The following RBFOX1 variants were observed in gnomAD, a reference collection of about 807,000 sequenced individuals.
RBFOX1 encodes the protein RNA binding protein fox-1 homolog 1.
RBFOX1 carries 8 observed loss-of-function variants against 57.7 expected under a neutral mutation model. The ratio of observed to expected loss-of-function variants is 0.14; its 90% CI spans 0.08 to 0.25. The LOEUF (loss-of-function observed/expected upper bound fraction) is 0.25. Among genes scored for constraint, RBFOX1 ranks in the 10% least tolerant of loss-of-function variants. The probability of loss-of-function intolerance (pLI) is 1.00; values close to 1 mark genes in which losing one functional copy is unlikely to be tolerated. For synonymous variants in RBFOX1, 326 were observed against 222.4 expected (o/e 1.47, Z -4.15); for missense variants, 611 against 548.5 (o/e 1.11, Z -1.14).
intron 4 of RBFOX1, among the ~76,000 whole-genome samples, chr16:7,413,769 AT>A (rs1318622905): frequency 6.6e-6 from 1 of 152,020 alleles, no homozygotes; most frequent in Admixed American, 6.6e-5. Context: ...TGACAAGAGT[AT>A]TTTCCTTGTA....
At chr16:6,449,852 A>G (rs1232433731) in intron 2 of RBFOX1, among the ~76,000 whole-genome samples, 1 of 152,200 alleles carries the variant, frequency 6.6e-6, no homozygotes, top group Non-Finnish European at 1.5e-5. Flanking sequence ...ATCTGCAGGA[A>G]AGTGGATATG....
chr16:7,501,554 C>G (rs1166204323), intron 4 of RBFOX1, among the ~76,000 whole-genome samples: 1 of 152,174 alleles, frequency 6.6e-6, no homozygotes, highest in East Asian at 1.9e-4. Context: ...CAGCCCAGCT[C>G]TATATTTTAT....
chr16:7,494,725 A>G (rs1049058964), intron 4 of RBFOX1, among the ~76,000 whole-genome samples: 1 of 152,180 alleles, frequency 6.6e-6, no homozygotes, highest in African/African-American at 2.4e-5. Flanking sequence ...CAGCATTTGA[A>G]CAACAGGCCT....
intron 4 of RBFOX1, among the ~76,000 whole-genome samples, chr16:7,055,452 C>T (rs976935380): frequency 2.0e-5 from 3 of 152,158 alleles, no homozygotes; most frequent in South Asian, 2.1e-4. Context: ...CCTGTGCTTC[C>T]GTTGGCCTTT....
chr16:6,247,979 C>G (rs2097578667), intron 1 of RBFOX1, among the ~76,000 whole-genome samples: 1 of 152,192 alleles, frequency 6.6e-6, no homozygotes, highest in Admixed American at 6.5e-5. Flanking sequence ...CCTTTGTGTT[C>G]TGACATTGAT....
At chr16:6,117,008 T>G (rs1035123366) in intron 1 of RBFOX1, among the ~76,000 whole-genome samples, 3 of 152,180 alleles carry the variant, frequency 2.0e-5, no homozygotes, top group Non-Finnish European at 4.4e-5. Flanking sequence ...ATTAAACATC[T>G]AGTTCTGAAT....
chr16:6,854,012 A>G (rs1049384858), intron 3 of RBFOX1, among the ~76,000 whole-genome samples: 5 of 152,180 alleles, frequency 3.3e-5, no homozygotes, highest in African/African-American at 7.2e-5. Flanking sequence ...AGAAAGAAAG[A>G]AAGGTAGAAG....
intron 2 of RBFOX1, among the ~76,000 whole-genome samples, chr16:6,640,990 A>C (rs971135083): frequency 1.3e-5 from 2 of 152,136 alleles, no homozygotes; most frequent in African/African-American, 4.8e-5. Flanking sequence ...TTTTAGAAGG[A>C]ACCTAATTGG....
chr16:6,904,473 TG>T (rs1444246523), intron 3 of RBFOX1, among the ~76,000 whole-genome samples: 4 of 151,306 alleles, frequency 2.6e-5, no homozygotes, highest in African/African-American at 9.7e-5. Flanking sequence ...TGGTGGTGGG[TG>T]CCTGTAATCC....
chr16:6,745,895 CAG>C (rs770364681), intron 3 of RBFOX1, among the ~76,000 whole-genome samples: 48 of 152,260 alleles, frequency 3.2e-4, no homozygotes, highest in Non-Finnish European at 5.6e-4. Flanking sequence ...CTCTCTAAAA[CAG>C]AAAGTCACTG....
At position 6,702,912 on chromosome 16, in the gene RBFOX1, A is replaced by G. The variant is rs2062078549; in HGVS notation, c.-16+48262A>G. Among the ~76,000 whole-genome samples, 3 of 152,328 alleles carry G rather than the reference A, an allele frequency of 2.0e-5. No homozygotes were observed. The South Asian group carries it at 6.2e-4, about 32-fold the overall frequency. ...AATGGAAACTTTGTACCTATGAGAC[A>G]TTAACTCCCCATTCTCATGTCCTCC... On this transcript the variant is annotated intron_variant, in intron 3 of 15. Transcript: ENST00000550418.
At chr16:5,897,929 C>G (rs1290352750) in intron 4 of RBFOX1, among the ~76,000 whole-genome samples, 1 of 150,370 alleles carries the variant, frequency 6.7e-6, no homozygotes, top group Non-Finnish European at 1.5e-5. Context: ...CCCTGGAAAA[C>G]CAAGAGTTTA....
chr16:6,773,015 TGTGA>T (rs2078628198), intron 3 of RBFOX1, among the ~76,000 whole-genome samples: 2 of 141,648 alleles, frequency 1.4e-5, no homozygotes, highest in South Asian at 2.3e-4. Flanking sequence ...TGTGTGTGTG[TGTGA>T]TTGTATTTGT....
intron 3 of RBFOX1, among the ~76,000 whole-genome samples, chr16:6,909,061 G>T (rs1482757830): frequency 6.6e-6 from 1 of 152,104 alleles, no homozygotes; most frequent in Non-Finnish European, 1.5e-5. Flanking sequence ...CACCAATTTA[G>T]GTGTAATTTA....
At chr16:6,958,421 A>G (rs750213684) in intron 3 of RBFOX1, among the ~76,000 whole-genome samples, 4 of 152,192 alleles carry the variant, frequency 2.6e-5, no homozygotes, top group Non-Finnish European at 4.4e-5. Flanking sequence ...ATCGGGTATC[A>G]TTAATAAAGC....
chr16:7,355,727 T>A (rs1325025741), intron 4 of RBFOX1, among the ~76,000 whole-genome samples: 1 of 152,292 alleles, frequency 6.6e-6, no homozygotes, highest in East Asian at 1.9e-4. Context: ...TGCCAATTCT[T>A]ACACACAAAA....
At chr16:6,854,629 G>C (rs1192766535) in intron 3 of RBFOX1, among the ~76,000 whole-genome samples, 7 of 110,594 alleles carry the variant, frequency 6.3e-5, no homozygotes, top group African/African-American at 2.4e-4. Context: ...GAGTCTCGCT[G>C]TTTTGCCCAG....
At chr16:6,501,574 A>G (rs960333123) in intron 2 of RBFOX1, among the ~76,000 whole-genome samples, 3 of 151,982 alleles carry the variant, frequency 2.0e-5, no homozygotes, top group African/African-American at 7.3e-5. Flanking sequence ...AGTCTTTGCT[A>G]TTGTGAATAG....
chr16:7,115,480 C>T (rs1225277964), intron 4 of RBFOX1, among the ~76,000 whole-genome samples: 2 of 152,154 alleles, frequency 1.3e-5, no homozygotes, highest in East Asian at 3.9e-4. Context: ...AGCATGTTTG[C>T]TGAGTAGTTT....
Sources: allele counts gnomAD v4.1 joint callset (sites outside exome capture counted in the v4.1 genomes callset), GRCh38; gene constraint gnomAD v4.1.1; transcripts MANE v1.5; gene names NCBI Gene and HGNC (gene_info 2026-07-23, HGNC 2026-07-21).